The following TAFA2 variants were observed in gnomAD, a reference collection of about 807,000 sequenced individuals.
The protein encoded by TAFA2 is chemokine-like protein TAFA-2.
Under a neutral mutation model 18.8 loss-of-function variants are expected in TAFA2, and 7 were observed. The ratio of observed to expected loss-of-function variants is 0.37; its 90% CI spans 0.21 to 0.70. The LOEUF (loss-of-function observed/expected upper bound fraction) is 0.70, where lower values mean the gene tolerates loss of function less well. TAFA2 is among the 30% of genes least tolerant of loss of function. TAFA2 has a pLI of 0.53. For missense variants in TAFA2, 122 were observed against 158.1 expected (o/e 0.77, Z 1.23); for synonymous variants, 60 against 54.2 (o/e 1.11, Z -0.47).
chr12:62,243,922 A>G (rs536769769), intron 1 of TAFA2, among the ~76,000 whole-genome samples: 1 of 152,158 alleles, frequency 6.6e-6, no homozygotes, highest in African/African-American at 2.4e-5. Context: ...GGACTACTCT[A>G]GCTCCCAGGG....
At chr12:62,017,045 C>T (rs1284415388) in intron 1 of TAFA2, among the ~76,000 whole-genome samples, 1 of 152,134 alleles carries the variant, frequency 6.6e-6, no homozygotes, top group Non-Finnish European at 1.5e-5. Flanking sequence ...GCTTACCATG[C>T]ACCAGGAAGT....
intron 1 of TAFA2, among the ~76,000 whole-genome samples, chr12:62,111,885 G>T (rs191897621): frequency 1.1e-3 from 173 of 152,160 alleles, no homozygotes; most frequent in Non-Finnish European, 1.5e-3. Flanking sequence ...GTGTGTCTTT[G>T]CACGTGAGAT....
chr12:61,841,197 C>A (rs945334452), intron 2 of TAFA2, among the ~76,000 whole-genome samples: 9 of 152,102 alleles, frequency 5.9e-5, no homozygotes, highest in Middle Eastern at 3.2e-3. Context: ...ATGAGCACAA[C>A]CCTGGCAGGA....
At chr12:61,957,358 C>T (rs1375697499) in intron 1 of TAFA2, among the ~76,000 whole-genome samples, 2 of 152,084 alleles carry the variant, frequency 1.3e-5, no homozygotes, top group East Asian at 3.9e-4. Context: ...AGATTGGGCT[C>T]AACTCTGAAT....
intron 4 of TAFA2, among the ~76,000 whole-genome samples, chr12:61,738,016 T>C (rs889029230): frequency 1.3e-5 from 2 of 151,992 alleles, no homozygotes; most frequent in Non-Finnish European, 2.9e-5. Context: ...TGTACTGAGG[T>C]CCAAAAATCA....
At chr12:61,738,866 T>G (rs1868353399) in intron 4 of TAFA2, among the ~76,000 whole-genome samples, 1 of 152,064 alleles carries the variant, frequency 6.6e-6, no homozygotes, top group Admixed American at 6.6e-5. Flanking sequence ...AGAGGAAGTT[T>G]TGAGTTATTT....
chr12:61,726,755 G>A (rs1870186041), intron 4 of TAFA2, among the ~76,000 whole-genome samples: 1 of 150,690 alleles, frequency 6.6e-6, no homozygotes, highest in African/African-American at 2.4e-5. Flanking sequence ...CTCTGGCTAG[G>A]ACTATGTTGA....
At chr12:61,747,259 T>A (rs1473582661) in intron 4 of TAFA2, among the ~76,000 whole-genome samples, 3 of 147,758 alleles carry the variant, frequency 2.0e-5, no homozygotes, top group African/African-American at 5.1e-5. Flanking sequence ...ACTTTTACAC[T>A]GTTGGTGGGA....
intron 2 of TAFA2, among the ~76,000 whole-genome samples, chr12:61,763,983 A>G (rs1339408924): frequency 1.3e-5 from 2 of 151,870 alleles, no homozygotes; most frequent in Non-Finnish European, 2.9e-5. Context: ...TGACTAAATG[A>G]TTTCCTTGTT....
intron 1 of TAFA2, among the ~76,000 whole-genome samples, chr12:62,242,085 C>T (rs2062865531): frequency 6.6e-6 from 1 of 151,670 alleles, no homozygotes. Context: ...AGGAAATTAC[C>T]AAGACAATAG....
chr12:61,831,166 C>CAT (rs1438858995), intron 2 of TAFA2, among the ~76,000 whole-genome samples: 1 of 151,954 alleles, frequency 6.6e-6, no homozygotes, highest in Non-Finnish European at 1.5e-5. Flanking sequence ...AATTGGATCA[C>CAT]ATATATAAGG....
chr12:62,087,173 G>A (rs1382679996), intron 1 of TAFA2, among the ~76,000 whole-genome samples: 2 of 152,070 alleles, frequency 1.3e-5, no homozygotes, highest in African/African-American at 4.8e-5. Flanking sequence ...CTTGGTGGGT[G>A]TAGAGTTATG....
chr12:61,775,422 G>T (rs992857480), intron 2 of TAFA2, among the ~76,000 whole-genome samples: 9 of 151,688 alleles, frequency 5.9e-5, no homozygotes, highest in African/African-American at 2.2e-4. Flanking sequence ...CAGATGAATA[G>T]ATAAACTGTG....
At chr12:62,172,588 A>T (rs890320491) in intron 1 of TAFA2, among the ~76,000 whole-genome samples, 4 of 152,198 alleles carry the variant, frequency 2.6e-5, no homozygotes, top group African/African-American at 9.7e-5. Flanking sequence ...TGTGACATTC[A>T]TGATGGACCA....
intron 2 of TAFA2, among the ~76,000 whole-genome samples, chr12:61,861,451 C>G (rs1057307038): frequency 7.2e-5 from 11 of 151,950 alleles, no homozygotes; most frequent in Admixed American, 1.3e-4. Flanking sequence ...AATGGGCTCT[C>G]GCTTTGTTGT....
chr12:62,234,342 G>C (rs937340193), intron 1 of TAFA2: 1 of 546,962 alleles, frequency 1.8e-6, no homozygotes, highest in Non-Finnish European at 3.5e-6. Flanking sequence ...CTGAGCAGTT[G>C]CCAGGTCCAG....
intron 4 of TAFA2, among the ~76,000 whole-genome samples, chr12:61,738,522 T>G (rs1868347455): frequency 6.6e-6 from 1 of 152,064 alleles, no homozygotes. Flanking sequence ...CTGGTAGGCC[T>G]GATAAGTCCA....
chr12:62,232,759 G>A (rs1332758786), intron 1 of TAFA2, among the ~76,000 whole-genome samples: 3 of 151,840 alleles, frequency 2.0e-5, no homozygotes, highest in East Asian at 1.9e-4. Flanking sequence ...TGATCCACCC[G>A]CCTCAGCCTC....
rs530607971 is a variant in TAFA2 at position 61,851,059 on chromosome 12, A to G, written c.106+16261T>C. 3.3e-5 allele frequency among the ~76,000 whole-genome samples: 5 copies of G among 152,330 alleles called. No homozygotes were observed. The South Asian group carries it at 1.0e-3, about 32-fold the overall frequency. On this transcript the variant is annotated intron_variant, in intron 2 of 4. Transcript: ENST00000416284. Reference sequence around the variant, plus strand: ...TATCATAATTATATTTATTCTAGACACTGTTAGGAACAGCAGATGTTGAAC... The same window carrying G: ...TATCATAATTATATTTATTCTAGACGCTGTTAGGAACAGCAGATGTTGAAC...
Sources: allele counts gnomAD v4.1 joint callset (sites outside exome capture counted in the v4.1 genomes callset), GRCh38; gene constraint gnomAD v4.1.1; transcripts MANE v1.5; gene names NCBI Gene and HGNC (gene_info 2026-07-23, HGNC 2026-07-21).